The following TMEM38B variants were observed in gnomAD, a reference collection of about 807,000 sequenced individuals.
TMEM38B encodes transmembrane protein 38B.
In TMEM38B, 24 loss-of-function variants were observed where a neutral mutation model predicts 28.7. The ratio of observed to expected loss-of-function variants is 0.84; its 90% CI spans 0.61 to 1.18. The LOEUF (loss-of-function observed/expected upper bound fraction) is 1.18, where lower values mean the gene tolerates loss of function less well. TMEM38B is among the 50% of genes most tolerant of loss of function. The probability of loss-of-function intolerance (pLI) is 0.00; values close to 1 mark genes in which losing one functional copy is unlikely to be tolerated. For missense variants in TMEM38B, 380 were observed against 350.9 expected, an observed-to-expected ratio of 1.08 and a Z score of -0.66; for synonymous variants, 131 against 127.7, an observed-to-expected ratio of 1.03 and a Z score of -0.17.
intron 5 of TMEM38B, among the ~76,000 whole-genome samples, chr9:105,757,685 A>G (rs1426629736): frequency 6.6e-6 from 1 of 152,242 alleles, no homozygotes; most frequent in Non-Finnish European, 1.5e-5. Context: ...AATAAAGCAT[A>G]AGGAACGGTA....
chr9:105,755,413 C>T (rs1292005587), intron 5 of TMEM38B, among the ~76,000 whole-genome samples: 1 of 152,106 alleles, frequency 6.6e-6, no homozygotes, highest in Non-Finnish European at 1.5e-5. Context: ...ACCTGTGTAA[C>T]AAACCTGCAC....
intron 1 of TMEM38B, chr9:105,702,691 T>C (rs1472644193): frequency 6.6e-6 from 1 of 152,120 alleles, no homozygotes; most frequent in Non-Finnish European, 1.5e-5. Context: ...TATTTATTTA[T>C]TTATTTTTGA....
At chr9:105,738,754 C>T (rs1352056477) in intron 4 of TMEM38B, among the ~76,000 whole-genome samples, 8 of 141,724 alleles carry the variant, frequency 5.6e-5, no homozygotes, top group Non-Finnish European at 1.0e-4. Flanking sequence ...GGTCTCACTC[C>T]GTCGCCCAGG....
intron 5 of TMEM38B, among the ~76,000 whole-genome samples, chr9:105,751,105 G>A (rs866874696): frequency 6.6e-6 from 1 of 152,206 alleles, no homozygotes; most frequent in Non-Finnish European, 1.5e-5. Flanking sequence ...CTGATTAGAA[G>A]CAGCTGTGGT....
intron 5 of TMEM38B, chr9:105,749,279 A>G (rs1230600875): frequency 1.9e-5 from 5 of 265,032 alleles, no homozygotes; most frequent in Non-Finnish European, 3.3e-5. Context: ...GGTAATTTAT[A>G]AAGAAAAAGA....
At chr9:105,722,864 C>T (rs1156483104) in intron 4 of TMEM38B, among the ~76,000 whole-genome samples, 1 of 151,942 alleles carries the variant, frequency 6.6e-6, no homozygotes, top group Non-Finnish European at 1.5e-5. Flanking sequence ...CAAAATCAAA[C>T]AAAAACCTCT....
rs751223410 is a variant in TMEM38B at position 105,694,815 on chromosome 9, T to C, written c.112+43T>C. ...CGGGCCGGACCCCTCAGAGTGCTCC[T>C]GACGGCGAGGACCGTCTAAGTCGGG... On this transcript the variant is annotated intron_variant, in intron 1 of 5. Coordinates refer to ENST00000374692, the MANE Select transcript of TMEM38B (RefSeq NM_018112.3). 1.9e-5 allele frequency: 14 copies of C among 746,842 alleles called. No individual in the cohort carries two copies. In the South Asian group the frequency reaches 2.2e-4, roughly 12 times the overall value. 46.3% of individuals were successfully genotyped at this position (746,842 alleles called of 1,614,324 possible). A position where few individuals can be genotyped will look rare whatever the true frequency, so the allele number is the denominator to read the frequency against.
rs191158686 is a variant in TMEM38B at position 105,707,361 on chromosome 9, C to T, written c.269+1608C>T. Among the ~76,000 whole-genome samples, 233 of 152,108 alleles carry T rather than the reference C, an allele frequency of 1.5e-3. 1 individual carries two copies. Among genetic ancestry groups the T allele is most frequent in the African/African-American group, 5.2e-3 (217 of 41,520 alleles). Reference sequence around the variant, plus strand: ...CCTTGAATTCTTGCAAATCCAAATTCGTTATCCTTAAGAGGATTGATCCAT... The same window carrying T: ...CCTTGAATTCTTGCAAATCCAAATTTGTTATCCTTAAGAGGATTGATCCAT... On this transcript the variant is annotated intron_variant, in intron 2 of 5. Transcript: ENST00000374692.
At chr9:105,739,140 C>G (rs1284880509) in intron 4 of TMEM38B, among the ~76,000 whole-genome samples, 1 of 152,114 alleles carries the variant, frequency 6.6e-6, no homozygotes, top group Non-Finnish European at 1.5e-5. Context: ...ACTTGGTACC[C>G]TACTAGAAAA....
At chr9:105,711,619 C>T (rs540250792) in intron 2 of TMEM38B, among the ~76,000 whole-genome samples, 3 of 152,030 alleles carry the variant, frequency 2.0e-5, no homozygotes, top group South Asian at 2.1e-4. Flanking sequence ...GCTGAGGCAT[C>T]GCTTGAGCCC....
intron 1 of TMEM38B, among the ~76,000 whole-genome samples, chr9:105,698,588 A>G (rs34846310): frequency 6.6e-6 from 1 of 152,104 alleles, no homozygotes; most frequent in Non-Finnish European, 1.5e-5. Flanking sequence ...GGACTAAACT[A>G]CTTGATACAT....
chr9:105,762,528 A>G (rs1176705100), intron 5 of TMEM38B, among the ~76,000 whole-genome samples: 20 of 148,134 alleles, frequency 1.4e-4, no homozygotes, highest in East Asian at 8.1e-4. Flanking sequence ...TGTCCTTGCG[A>G]TAGTTTACTG....
intron 2 of TMEM38B, among the ~76,000 whole-genome samples, chr9:105,711,254 A>T (rs1835889223): frequency 6.6e-6 from 1 of 151,396 alleles, no homozygotes; most frequent in African/African-American, 2.4e-5. Flanking sequence ...CAGCCTGGCC[A>T]ACATGGTGAA....
At chr9:105,765,158 CT>C (rs1368530580) in intron 5 of TMEM38B, among the ~76,000 whole-genome samples, 1 of 152,026 alleles carries the variant, frequency 6.6e-6, no homozygotes, top group Non-Finnish European at 1.5e-5. Flanking sequence ...TATGCTGAAA[CT>C]TTTTTTGTTT....
intron 5 of TMEM38B, among the ~76,000 whole-genome samples, chr9:105,763,363 G>A (rs1005788507): frequency 1.3e-5 from 2 of 152,110 alleles, no homozygotes; most frequent in African/African-American, 4.8e-5. Flanking sequence ...TAATGCCTAG[G>A]TTTTCTTCTA....
rs1186454514 is a variant in TMEM38B at position 105,695,153 on chromosome 9, CCGCCACTCGCTCGCAGTGT to C, written c.112+420_112+438del. On this transcript the variant is annotated intron_variant, in intron 1 of 5. Coordinates refer to ENST00000374692, the MANE Select transcript of TMEM38B (RefSeq NM_018112.3). ...GGGCTTGGGCGGCCTCCTCGCGGTA[CCGCCACTCGCTCGCAGTGT>C]CGCCACTCGCTCGCAGTGTCGCCAC... is the stretch of plus-strand genomic sequence containing the variant. Among the ~76,000 whole-genome samples, 1,211 of 149,662 alleles carry C rather than the reference CCGCCACTCGCTCGCAGTGT, an allele frequency of 8.1e-3. 12 individuals carry two copies. Among genetic ancestry groups the C allele is most frequent in the African/African-American group, 0.024 (963 of 39,500 alleles).
intron 4 of TMEM38B, among the ~76,000 whole-genome samples, chr9:105,739,282 AGT>A (rs1044532823): frequency 1.3e-5 from 2 of 148,742 alleles, no homozygotes; most frequent in Non-Finnish European, 3.0e-5. Context: ...CAAATTAGGC[AGT>A]GTGTGTCCTT....
At position 105,774,783 on chromosome 9, in the gene TMEM38B, A is replaced by G. The variant is rs1826673956; in HGVS notation, c.*703A>G. On this transcript the variant is annotated 3_prime_UTR_variant, in exon 6 of 6. Transcript: ENST00000374692. Reference sequence around the variant, plus strand: ...TTCATGCCCTTGTTTTAAAAAAACTACTTTTTTTGGCCTCAAAAAAATCAA... The same window carrying G: ...TTCATGCCCTTGTTTTAAAAAAACTGCTTTTTTTGGCCTCAAAAAAATCAA... 6.6e-6 allele frequency: 1 copy of G among 151,976 alleles called. No individual in the cohort carries two copies. The allele number at this position is 151,976 out of a possible 1,614,324, so 9.4% of individuals were successfully genotyped here. A position where few individuals can be genotyped will look rare whatever the true frequency, so the allele number is the denominator to read the frequency against.
chr9:105,749,122 T>C (rs746925476), intron 5 of TMEM38B: 3 of 1,302,676 alleles, frequency 2.3e-6, no homozygotes, highest in Admixed American at 4.6e-5. Flanking sequence ...GTAACAAATA[T>C]TGGAGGCAAA....
Sources: allele counts gnomAD v4.1 joint callset (sites outside exome capture counted in the v4.1 genomes callset), GRCh38; gene constraint gnomAD v4.1.1; transcripts MANE v1.5; gene names NCBI Gene and HGNC (gene_info 2026-07-23, HGNC 2026-07-21).